Variants in PHF21A observed in about 807,000 individuals in gnomAD.
PHF21A encodes the protein PHD finger protein 21A.
PHF21A carries 11 observed loss-of-function variants against 82.5 expected under a neutral mutation model. That is an observed-to-expected ratio of 0.13 (90% CI 0.08 to 0.22). The LOEUF is 0.22. Among genes scored for constraint, PHF21A ranks in the 10% least tolerant of loss-of-function variants. PHF21A has a pLI of 1.00. For missense variants in PHF21A, 579 were observed against 837.8 expected, an observed-to-expected ratio of 0.69 and a Z score of 3.81; for synonymous variants, 297 against 302.8, an observed-to-expected ratio of 0.98 and a Z score of 0.20.
intron 5 of PHF21A, 32 bp from the exon 6 acceptor site, chr11:46,076,851 G>A: frequency 6.5e-7 from 1 of 1,542,750 alleles, no homozygotes; most frequent in Non-Finnish European, 9.0e-7. Flanking sequence ...CTGTGAGAAA[G>A]ATATTTCATT....
intron 16 of PHF21A, chr11:45,936,860 C>CGGT (rs2089195245): frequency 3.4e-6 from 1 of 292,616 alleles, no homozygotes; most frequent in East Asian, 7.0e-5. Flanking sequence ...TGACACCCAA[C>CGGT]CACTCCCGAC....
intron 1 of PHF21A, among the ~76,000 whole-genome samples, chr11:46,107,317 C>T (rs1375386132): frequency 1.3e-5 from 2 of 152,190 alleles, no homozygotes; most frequent in Non-Finnish European, 2.9e-5. Context: ...TAGTCAAATT[C>T]TTGTCTCTCA....
At position 45,929,530 on chromosome 11, in the gene PHF21A, T is replaced by C. The variant is rs2087476643; in HGVS notation, c.*4438A>G. ...ACAGGGTTGGGGTCTGGCTGGCTCT[T>C]CTCTGCTAGGAGCTGGCTGACCTCT... On this transcript the variant is annotated 3_prime_UTR_variant, in exon 19 of 19. Coordinates refer to ENST00000676320, the MANE Select transcript of PHF21A (RefSeq NM_001352027.3). The C allele has an allele frequency of 6.5e-6, 1 of 153,080 alleles. No homozygotes were observed. Among genetic ancestry groups the C allele is most frequent in the Non-Finnish European group, 1.5e-5 (1 of 68,790 alleles). The allele number at this position is 153,080 out of a possible 1,614,324, so 9.5% of individuals were successfully genotyped here. A position where few individuals can be genotyped will look rare whatever the true frequency, so the allele number is the denominator to read the frequency against.
chr11:45,990,250 CTTTTTTTTTTT>C (rs201187984), intron 6 of PHF21A, among the ~76,000 whole-genome samples: 4 of 56,232 alleles, frequency 7.1e-5, no homozygotes, highest in Non-Finnish European at 1.9e-4. Flanking sequence ...TTTTCATCTT[CTTTTTTTTTTT>C]TTTTTTTTTT....
intron 11 of PHF21A, 94 bp downstream of exon 11, chr11:45,953,433 C>T (rs2092357443): frequency 2.7e-6 from 2 of 754,042 alleles, no homozygotes; most frequent in Non-Finnish European, 4.8e-6. Flanking sequence ...ACATCGAGTT[C>T]ATTTCATCAT....
At chr11:45,955,118 T>C (rs905722023) in intron 10 of PHF21A, among the ~76,000 whole-genome samples, 3 of 152,248 alleles carry the variant, frequency 2.0e-5, no homozygotes, top group African/African-American at 7.2e-5. Flanking sequence ...CCCTTTATAC[T>C]AAACGCTATG....
intron 6 of PHF21A, among the ~76,000 whole-genome samples, chr11:46,008,811 C>A (rs1168892664): frequency 6.6e-6 from 1 of 152,046 alleles, no homozygotes; most frequent in Non-Finnish European, 1.5e-5. Context: ...ATGTTTGCAA[C>A]TGTAAAATGT....
chr11:46,085,677 A>G (rs541943558), intron 3 of PHF21A, among the ~76,000 whole-genome samples: 24 of 152,292 alleles, frequency 1.6e-4, no homozygotes, highest in African/African-American at 5.3e-4. Flanking sequence ...CCTTAAACCA[A>G]TACAATAAGA....
At chr11:46,077,956 G>C (rs1222332842) in intron 5 of PHF21A, among the ~76,000 whole-genome samples, 1 of 151,974 alleles carries the variant, frequency 6.6e-6, no homozygotes, top group Non-Finnish European at 1.5e-5. Flanking sequence ...CTGTCGTCCA[G>C]GCTGGAGTGC....
intron 6 of PHF21A, among the ~76,000 whole-genome samples, chr11:46,060,350 A>T (rs1407215861): frequency 6.6e-6 from 1 of 152,170 alleles, no homozygotes; most frequent in Non-Finnish European, 1.5e-5. Flanking sequence ...GAAATGATGG[A>T]CTTCAACTCC....
chr11:45,946,664 C>T (rs1329640453), intron 14 of PHF21A, among the ~76,000 whole-genome samples: 2 of 152,148 alleles, frequency 1.3e-5, no homozygotes, highest in Non-Finnish European at 2.9e-5. Context: ...TGTGAGCCAC[C>T]GCACCTGGCC....
intron 6 of PHF21A, among the ~76,000 whole-genome samples, chr11:46,060,783 T>C (rs2096525915): frequency 6.6e-6 from 1 of 152,230 alleles, no homozygotes; most frequent in Admixed American, 6.5e-5. Flanking sequence ...GTTTACTCTG[T>C]TGATAGTTTC....
At chr11:45,943,528 T>G (rs2090766696) in intron 15 of PHF21A, among the ~76,000 whole-genome samples, 1 of 152,188 alleles carries the variant, frequency 6.6e-6, no homozygotes, top group African/African-American at 2.4e-5. Flanking sequence ...TAACTGGTCT[T>G]CCTGCTTCCA....
chr11:45,984,259 C>A (rs545930954), intron 6 of PHF21A, among the ~76,000 whole-genome samples: 52 of 152,270 alleles, frequency 3.4e-4, no homozygotes, highest in African/African-American at 1.2e-3. Context: ...TAATATATTT[C>A]TATAAACAAT....
chr11:46,052,397 T>C (rs138488447), intron 6 of PHF21A, among the ~76,000 whole-genome samples: 42 of 152,302 alleles, frequency 2.8e-4, no homozygotes, highest in African/African-American at 9.1e-4. Flanking sequence ...TAAATCTCTT[T>C]TCCTTCAACA....
At chr11:46,032,973 A>T (rs1476607247) in intron 6 of PHF21A, among the ~76,000 whole-genome samples, 2 of 152,130 alleles carry the variant, frequency 1.3e-5, no homozygotes, top group Non-Finnish European at 2.9e-5. Flanking sequence ...AATCCCTAAG[A>T]GCCTCTCTCT....
chr11:46,021,112 T>C (rs999064199), intron 6 of PHF21A, among the ~76,000 whole-genome samples: 7 of 150,930 alleles, frequency 4.6e-5, no homozygotes, highest in Non-Finnish European at 1.0e-4. Context: ...CAGGTGGGAG[T>C]GCAGTGGCAG....
chr11:46,023,241 T>C lies in PHF21A; in HGVS notation c.154-43275A>G, dbSNP rs540453192. On this transcript the variant is annotated intron_variant, in intron 6 of 18. Transcript: ENST00000676320. ...AGTTTAAGTGTAAGCAATGGTTTCTTAGCCTTCCATAAGGCAGGCCGGGAT... is the reference window on the plus strand; with the variant it reads ...AGTTTAAGTGTAAGCAATGGTTTCTCAGCCTTCCATAAGGCAGGCCGGGAT... Among the ~76,000 whole-genome samples, 5 of 152,358 alleles carry C rather than the reference T, an allele frequency of 3.3e-5. No individual in the cohort carries two copies. In the South Asian group the frequency reaches 1.0e-3, roughly 32 times the overall value.
At chr11:46,099,562 A>ACACACACC (rs1228299404) in intron 1 of PHF21A, among the ~76,000 whole-genome samples, 5 of 145,922 alleles carry the variant, frequency 3.4e-5, no homozygotes, top group Non-Finnish European at 6.1e-5. Flanking sequence ...ACACACACAC[A>ACACACACC]CCCTAAACAC....
Sources: gnomAD v4.1 joint callset for allele counts (sites outside exome capture counted in the v4.1 genomes callset) on GRCh38, gnomAD v4.1.1 for gene constraint, MANE v1.5 for transcripts, NCBI Gene and HGNC (gene_info 2026-07-23, HGNC 2026-07-21) for gene names.